Variants in NRG1 observed in about 807,000 individuals in gnomAD.
The protein encoded by NRG1 is pro-neuregulin-1, membrane-bound isoform.
NRG1 carries 18 observed loss-of-function variants against 63.8 expected under a neutral mutation model. The ratio of observed to expected loss-of-function variants is 0.28; its 90% CI spans 0.19 to 0.42. The LOEUF is 0.42. Among genes scored for constraint, NRG1 ranks in the 10% least tolerant of loss-of-function variants. The probability of loss-of-function intolerance (pLI) is 1.00; values close to 1 mark genes in which losing one functional copy is unlikely to be tolerated. For missense variants in NRG1, 762 were observed against 814.7 expected (o/e 0.94, Z 0.79); for synonymous variants, 302 against 301.3 (o/e 1.00, Z -0.02).
chr8:32,198,313 G>T (rs968699997), intron 1 of NRG1, among the ~76,000 whole-genome samples: 3 of 152,118 alleles, frequency 2.0e-5, no homozygotes, highest in African/African-American at 4.8e-5. Context: ...GAGTAGCTGG[G>T]ATTACAGGTG....
chr8:32,726,567 C>G lies in NRG1; in HGVS notation c.503-1382C>G, dbSNP rs532752534. 9.2e-5 allele frequency among the ~76,000 whole-genome samples: 14 copies of G among 152,038 alleles called. 1 individual carries two copies. The South Asian group carries it at 2.9e-3, about 32-fold the overall frequency. ...TCAATGAAAGGGGTCCAAAAACATG[C>G]CTTAGACAGGATAATAAGAGGTAAG... On this transcript the variant is annotated intron_variant, in intron 5 of 11. Transcript: ENST00000356819.
intron 1 of NRG1, among the ~76,000 whole-genome samples, chr8:32,048,446 CATAT>C (rs869311093): frequency 0.014 from 95 of 6,712 alleles, no homozygotes; most frequent in African/African-American, 0.015. Context: ...TATATACATA[CATAT>C]ATATATATAT....
At chr8:32,373,814 G>A (rs1283946963) in intron 1 of NRG1, among the ~76,000 whole-genome samples, 2 of 152,020 alleles carry the variant, frequency 1.3e-5, no homozygotes. Flanking sequence ...GTAATCTAAT[G>A]GGATGCTATG....
intron 1 of NRG1, chr8:32,441,571 A>T (rs549633019): frequency 1.3e-5 from 2 of 152,192 alleles, no homozygotes; most frequent in East Asian, 3.9e-4. Flanking sequence ...GTGAGCTATG[A>T]TCGCACCACT....
At chr8:31,967,109 C>G (rs145819736) in intron 1 of NRG1, among the ~76,000 whole-genome samples, 14 of 152,124 alleles carry the variant, frequency 9.2e-5, no homozygotes, top group African/African-American at 3.4e-4. Context: ...ATTGAAAAAC[C>G]AGGCTGTGGA....
chr8:31,830,973 C>T (rs1825095980), intron 1 of NRG1, among the ~76,000 whole-genome samples: 1 of 151,992 alleles, frequency 6.6e-6, no homozygotes, highest in Non-Finnish European at 1.5e-5. Flanking sequence ...GAATGGATGC[C>T]TAAATGACAA....
At chr8:32,436,204 G>T (rs896264370) in intron 1 of NRG1, among the ~76,000 whole-genome samples, 1 of 152,122 alleles carries the variant, frequency 6.6e-6, no homozygotes, top group African/African-American at 2.4e-5. Flanking sequence ...AAGCAAAAGG[G>T]AAAACACCTT....
chr8:32,683,532 T>A (rs1809267764), intron 5 of NRG1, among the ~76,000 whole-genome samples: 1 of 152,142 alleles, frequency 6.6e-6, no homozygotes, highest in African/African-American at 2.4e-5. Flanking sequence ...ATTTGTTCAT[T>A]CACAATGGAT....
chr8:32,651,035 A>G (rs1855004689), intron 5 of NRG1, among the ~76,000 whole-genome samples: 1 of 152,136 alleles, frequency 6.6e-6, no homozygotes, highest in South Asian at 2.1e-4. Flanking sequence ...AAACCAATCT[A>G]CCTACTAATG....
intron 1 of NRG1, among the ~76,000 whole-genome samples, chr8:32,168,892 A>T (rs1018571474): frequency 2.6e-5 from 4 of 152,128 alleles, no homozygotes; most frequent in Non-Finnish European, 5.9e-5. Flanking sequence ...TCACTCTGAA[A>T]TATAAATTCC....
chr8:31,969,141 A>G (rs1409790777), intron 1 of NRG1, among the ~76,000 whole-genome samples: 1 of 152,174 alleles, frequency 6.6e-6, no homozygotes, highest in African/African-American at 2.4e-5. Context: ...TGTTTACTCC[A>G]TGTGACATTC....
At chr8:32,638,389 A>C (rs761591804) in intron 5 of NRG1, among the ~76,000 whole-genome samples, 5 of 152,188 alleles carry the variant, frequency 3.3e-5, no homozygotes, top group Non-Finnish European at 5.9e-5. Flanking sequence ...AAAAAATTTA[A>C]ATCTAATTAT....
At chr8:32,591,878 C>G (rs539342283) in intron 1 of NRG1, among the ~76,000 whole-genome samples, 1 of 152,124 alleles carries the variant, frequency 6.6e-6, no homozygotes, top group African/African-American at 2.4e-5. Context: ...ATCTGTGCAG[C>G]AAACCCCTGC....
intron 1 of NRG1, among the ~76,000 whole-genome samples, chr8:32,421,745 G>A (rs538661365): frequency 3.0e-4 from 46 of 152,136 alleles, no homozygotes; most frequent in African/African-American, 8.0e-4. Context: ...AAATCACTTC[G>A]CATACACAGT....
chr8:32,336,506 T>TA (rs1047408918), intron 1 of NRG1, among the ~76,000 whole-genome samples: 1 of 151,934 alleles, frequency 6.6e-6, no homozygotes, highest in African/African-American at 2.4e-5. Flanking sequence ...CAAAAAAAAT[T>TA]AAAAAACAAA....
intron 1 of NRG1, among the ~76,000 whole-genome samples, chr8:32,083,840 A>C (rs1000192538): frequency 6.6e-6 from 1 of 152,152 alleles, no homozygotes; most frequent in Non-Finnish European, 1.5e-5. Flanking sequence ...TTTACATTTC[A>C]TGTAGACCAT....
chr8:32,753,518 A>T (rs955909980), intron 7 of NRG1, among the ~76,000 whole-genome samples: 6 of 152,242 alleles, frequency 3.9e-5, no homozygotes, highest in African/African-American at 1.2e-4. Context: ...TGTGCACTCT[A>T]TTCCAAATCA....
chr8:32,679,853 C>T (rs1808139181), intron 5 of NRG1, among the ~76,000 whole-genome samples: 1 of 152,158 alleles, frequency 6.6e-6, no homozygotes, highest in Non-Finnish European at 1.5e-5. Flanking sequence ...ATTGCTAATG[C>T]ACTTACAAAT....
chr8:32,170,915 C>T (rs1176004272), intron 1 of NRG1, among the ~76,000 whole-genome samples: 2 of 152,216 alleles, frequency 1.3e-5, no homozygotes, highest in African/African-American at 4.8e-5. Flanking sequence ...CCAGATCCTT[C>T]CCTGCTTCCT....
Sources: allele counts gnomAD v4.1 joint callset (sites outside exome capture counted in the v4.1 genomes callset), GRCh38; gene constraint gnomAD v4.1.1; transcripts MANE v1.5; gene names NCBI Gene and HGNC (gene_info 2026-07-23, HGNC 2026-07-21).